PPM1L: variants seen among roughly 807,000 people sequenced by gnomAD.
PPM1L encodes the protein protein phosphatase, Mg2+/Mn2+ dependent 1L.
In PPM1L, 13 loss-of-function variants were observed where a neutral mutation model predicts 31.4. The observed-to-expected ratio is 0.41, with a 90% CI of 0.27 to 0.66. PPM1L has a LOEUF of 0.66. PPM1L is among the 30% of genes least tolerant of loss of function. The probability of loss-of-function intolerance (pLI) is 0.29; values close to 1 mark genes in which losing one functional copy is unlikely to be tolerated. For missense variants in PPM1L, 326 were observed against 453.7 expected, an observed-to-expected ratio of 0.72 and a Z score of 2.56; for synonymous variants, 184 against 175.4, an observed-to-expected ratio of 1.05 and a Z score of -0.39.
At chr3:160,843,423 C>CA (rs1713954274) in intron 1 of PPM1L, among the ~76,000 whole-genome samples, 4 of 28,550 alleles carry the variant, frequency 1.4e-4, no homozygotes, top group African/African-American at 5.1e-4. Context: ...TATGGCAATT[C>CA]TTTTATATAT....
rs991569103 is a variant in PPM1L, at chr3:161,077,978, T to A, written c.*8821T>A. The A allele has an allele frequency of 3.3e-5, 5 of 152,218 alleles. No individual in the cohort carries two copies. Among genetic ancestry groups the A allele is most frequent in the Admixed American group, 1.3e-4 (2 of 15,284 alleles). The allele number at this position is 152,218 out of a possible 1,614,324, so 9.4% of individuals were successfully genotyped here. A position where few individuals can be genotyped will look rare whatever the true frequency, so the allele number is the denominator to read the frequency against. ...TAATACTAGTTATTGCCAAATTGCA[T>A]TAGAATCCTATTGAATTAGAATAAT... On this transcript the variant is annotated 3_prime_UTR_variant, in exon 4 of 4. Coordinates refer to ENST00000498165, the MANE Select transcript of PPM1L (RefSeq NM_139245.4).
chr3:161,015,796 C>T (rs1032618711), intron 2 of PPM1L, among the ~76,000 whole-genome samples: 1 of 152,178 alleles, frequency 6.6e-6, no homozygotes, highest in Non-Finnish European at 1.5e-5. Flanking sequence ...AAATATTGCC[C>T]TACCCAGAAC....
At chr3:160,852,539 T>C (rs1576671068) in intron 1 of PPM1L, among the ~76,000 whole-genome samples, 2 of 152,204 alleles carry the variant, frequency 1.3e-5, no homozygotes, top group East Asian at 3.8e-4. Context: ...GGTAATTTTA[T>C]CTTGACCTCA....
chr3:160,766,660 G>C lies in PPM1L; in HGVS notation c.399+9953G>C, dbSNP rs538648033. Among the ~76,000 whole-genome samples, 168 of 150,220 alleles carry C rather than the reference G, an allele frequency of 1.1e-3. 1 individual carries two copies. Among genetic ancestry groups the C allele is most frequent in the African/African-American group, 3.8e-3 (156 of 40,726 alleles). ...ATCTCAGGTATTTCTTCATAGCAGC[G>C]TTAAAATGGACTAATACAATATAAT... On this transcript the variant is annotated intron_variant, in intron 1 of 3. Coordinates refer to ENST00000498165, the MANE Select transcript of PPM1L (RefSeq NM_139245.4).
intron 1 of PPM1L, among the ~76,000 whole-genome samples, chr3:160,916,512 A>G (rs1714186997): frequency 6.6e-6 from 1 of 152,144 alleles, no homozygotes; most frequent in Non-Finnish European, 1.5e-5. Context: ...TCATTTGAGG[A>G]TAATAGAAAA....
At chr3:160,868,605 T>C (rs1281823219) in intron 1 of PPM1L, among the ~76,000 whole-genome samples, 1 of 152,202 alleles carries the variant, frequency 6.6e-6, no homozygotes, top group Non-Finnish European at 1.5e-5. Context: ...TTGTCATGTT[T>C]CCACCTAAAA....
intron 1 of PPM1L, among the ~76,000 whole-genome samples, chr3:160,761,751 T>C (rs867062681): frequency 1.3e-5 from 2 of 152,182 alleles, no homozygotes; most frequent in South Asian, 2.1e-4. Flanking sequence ...TTTAATGGAC[T>C]TATAGTTCCA....
At chr3:161,041,048 T>C (rs1451799168) in intron 2 of PPM1L, among the ~76,000 whole-genome samples, 7 of 152,142 alleles carry the variant, frequency 4.6e-5, no homozygotes, top group African/African-American at 1.4e-4. Flanking sequence ...ACAGGAAACA[T>C]TTGTCATCTA....
chr3:160,882,498 T>C (rs1712758011), intron 1 of PPM1L, among the ~76,000 whole-genome samples: 1 of 152,226 alleles, frequency 6.6e-6, no homozygotes, highest in Non-Finnish European at 1.5e-5. Context: ...TACAATCATG[T>C]TATGTAAAAT....
intron 1 of PPM1L, among the ~76,000 whole-genome samples, chr3:160,901,611 C>T (rs1713543995): frequency 6.6e-6 from 1 of 152,110 alleles, no homozygotes; most frequent in Admixed American, 6.6e-5. Context: ...ACGGCTTCCT[C>T]CCCCACTTAC....
Position 160,756,254 on chromosome 3 carries a change from G to C in PPM1L, c.-55G>C, listed in dbSNP as rs1379249271. On this transcript the variant is annotated 5_prime_UTR_variant, in exon 1 of 4. Coordinates refer to ENST00000498165, the MANE Select transcript of PPM1L (RefSeq NM_139245.4). This position sits in a 1 kb window ranked among gnomAD's most constrained non-coding sequence, Gnocchi z 6.2. ...CTGTCCCCGCAGTGCTCCCGGACCC[G>C]GCGAGCCTTCGGGGCGCGCGTCGCT... The C allele has an allele frequency of 1.1e-5, 17 of 1,557,214 alleles. No individual in the cohort carries two copies. In the East Asian group the frequency reaches 2.0e-4, roughly 19 times the overall value.
intron 1 of PPM1L, among the ~76,000 whole-genome samples, chr3:160,857,758 T>C (rs1711762228): frequency 6.6e-6 from 1 of 152,216 alleles, no homozygotes; most frequent in Admixed American, 6.5e-5. Context: ...ATAAATGCTA[T>C]TGTAGCGGTA....
chr3:160,993,608 G>A (rs1420521706), intron 2 of PPM1L, among the ~76,000 whole-genome samples: 1 of 152,068 alleles, frequency 6.6e-6, no homozygotes, highest in African/African-American at 2.4e-5. Context: ...CTAGTTCATG[G>A]GCCTCAGCCC....
intron 1 of PPM1L, among the ~76,000 whole-genome samples, chr3:160,778,858 C>T (rs1711649364): frequency 6.6e-6 from 1 of 152,116 alleles, no homozygotes; most frequent in African/African-American, 2.4e-5. Flanking sequence ...AGGCTTTGAG[C>T]CCAGAAGCTC....
At chr3:160,888,375 T>G (rs6441333) in intron 1 of PPM1L, among the ~76,000 whole-genome samples, 130,034 of 152,142 alleles carry the variant, frequency 0.85, 55,795 homozygotes, top group Middle Eastern at 0.92. Context: ...AGCAGGGGTT[T>G]CAATCCTCAT....
intron 2 of PPM1L, among the ~76,000 whole-genome samples, chr3:160,982,941 G>T (rs1468937865): frequency 2.6e-5 from 4 of 152,190 alleles, no homozygotes; most frequent in African/African-American, 9.7e-5. Flanking sequence ...TATGAGGAAA[G>T]CATTATTTTT....
At chr3:160,969,056 C>T (rs998332104) in intron 2 of PPM1L, among the ~76,000 whole-genome samples, 1 of 152,122 alleles carries the variant, frequency 6.6e-6, no homozygotes, top group Non-Finnish European at 1.5e-5. Flanking sequence ...TTCTTGTGTT[C>T]CTTTGGGTAT....
intron 1 of PPM1L, among the ~76,000 whole-genome samples, chr3:160,855,524 CA>C (rs1239211576): frequency 6.6e-6 from 1 of 152,042 alleles, no homozygotes; most frequent in Non-Finnish European, 1.5e-5. Flanking sequence ...AATTAACAAG[CA>C]AAAAGCAAAC....
chr3:160,952,758 GA>G (rs1715614837), intron 1 of PPM1L, among the ~76,000 whole-genome samples: 1 of 152,120 alleles, frequency 6.6e-6, no homozygotes, highest in African/African-American at 2.4e-5. Context: ...TCCAGCTTTA[GA>G]AGGCTGTGTC....
Sources: gnomAD v4.1 joint callset for allele counts (sites outside exome capture counted in the v4.1 genomes callset) on GRCh38, gnomAD v4.1.1 for gene constraint, Gnocchi (gnomAD v3.1) non-coding constraint, MANE v1.5 for transcripts, NCBI Gene and HGNC (gene_info 2026-07-23, HGNC 2026-07-21) for gene names.